USP32: variants seen among roughly 807,000 people sequenced by gnomAD.
The protein encoded by USP32 is ubiquitin carboxyl-terminal hydrolase 32.
A neutral mutation model predicts 204.8 loss-of-function variants in USP32; 59 were observed. That is an observed-to-expected ratio of 0.29 (90% CI 0.23 to 0.36). The LOEUF is 0.36. Among genes scored for constraint, USP32 ranks in the 10% least tolerant of loss-of-function variants. The probability of loss-of-function intolerance (pLI) is 1.00; values close to 1 mark genes in which losing one functional copy is unlikely to be tolerated. For missense variants in USP32, 1,160 were observed against 1,946.4 expected, an observed-to-expected ratio of 0.60 and a Z score of 7.60; for synonymous variants, 517 against 678.4, an observed-to-expected ratio of 0.76 and a Z score of 3.70.
chr17:60,269,701 A>G, intron 6 of USP32, 144 bp from the exon 7 acceptor site: 1 of 571,338 alleles, frequency 1.8e-6, no homozygotes, highest in Non-Finnish European at 2.9e-6. Context: ...ATGTTTCAGG[A>G]AGTACCTCTT....
chr17:60,393,182 A>G (rs1052041544), upstream of USP32, among the ~76,000 whole-genome samples: 2 of 152,048 alleles, frequency 1.3e-5, no homozygotes, highest in African/African-American at 2.4e-5. Context: ...CACTACTCTT[A>G]AGTATTTCCT....
chr17:60,189,287 C>T (rs766937352), intron 29 of USP32, among the ~76,000 whole-genome samples: 19 of 152,164 alleles, frequency 1.2e-4, no homozygotes, highest in Admixed American at 5.9e-4. Context: ...TTGGTGTGTG[C>T]GGCATATTTT....
intron 1 of USP32, among the ~76,000 whole-genome samples, chr17:60,377,262 C>T (rs4047746): frequency 3.9e-5 from 6 of 152,146 alleles, no homozygotes; most frequent in Middle Eastern, 3.4e-3. Flanking sequence ...GAGTTTGAGA[C>T]CAGCCTGGGC....
intron 4 of USP32, among the ~76,000 whole-genome samples, chr17:60,290,316 T>C (rs1031006454): frequency 3.3e-5 from 5 of 152,222 alleles, no homozygotes; most frequent in Non-Finnish European, 5.9e-5. Context: ...TTTGGACATA[T>C]TGAAGATCAC....
chr17:60,244,109 C>G (rs1159753091), intron 11 of USP32, among the ~76,000 whole-genome samples: 3 of 140,910 alleles, frequency 2.1e-5, no homozygotes, highest in Non-Finnish European at 4.5e-5. Flanking sequence ...GATCTCGGCT[C>G]ACTGCAAGCC....
intron 1 of USP32, among the ~76,000 whole-genome samples, chr17:60,386,529 T>A (rs2089734397): frequency 6.6e-6 from 1 of 152,180 alleles, no homozygotes; most frequent in African/African-American, 2.4e-5. Flanking sequence ...AAGCATGTAA[T>A]CCAGTGCCAA....
chr17:60,298,349 A>G (rs1351049614), intron 3 of USP32, among the ~76,000 whole-genome samples: 1 of 152,194 alleles, frequency 6.6e-6, no homozygotes, highest in Non-Finnish European at 1.5e-5. Context: ...AAAATGGCCA[A>G]CTTGCAGGCT....
At position 60,181,625 on chromosome 17, in the gene USP32, C is replaced by T. The variant is rs764947108; in HGVS notation, c.4247G>A (p.Ser1416Asn). The stretch of plus-strand genomic sequence containing the variant: ...TTTACTACTTGACAGTTTATTTTTG[C>T]TGCCAATCTGGGGCAGCCGGAGCCT... Reference protein sequence around the residue: ...KGRLRLPQIGSKNKLSSSKEN... With the variant: ...KGRLRLPQIGNKNKLSSSKEN... The change falls in exon 32 of 34, where the codon AGC becomes AAC. Residue 1416 changes from serine (S) to asparagine (N), a missense_variant. This residue lies in a region of USP32 where 244 missense variants were observed against 342.3 expected (regional missense o/e 0.71). Coordinates refer to ENST00000300896, the MANE Select transcript of USP32 (RefSeq NM_032582.4). The T allele has an allele frequency of 1.9e-5, 31 of 1,613,864 alleles. No individual in the cohort carries two copies. Among genetic ancestry groups the T allele is most frequent in the African/African-American group, 2.7e-5 (2 of 74,932 alleles).
At chr17:60,195,649 T>C (rs2084495264) in intron 27 of USP32, among the ~76,000 whole-genome samples, 1 of 152,208 alleles carries the variant, frequency 6.6e-6, no homozygotes, top group Non-Finnish European at 1.5e-5. Flanking sequence ...CAATCTCTTT[T>C]GATGCTTCTT....
chr17:60,351,434 AGG>A (rs937115757), intron 1 of USP32, among the ~76,000 whole-genome samples: 5 of 145,328 alleles, frequency 3.4e-5, no homozygotes, highest in African/African-American at 1.4e-4. Context: ...CTACTATGCC[AGG>A]CTTCTTTTTT....
chr17:60,339,400 T>G (rs1477672374), intron 2 of USP32, among the ~76,000 whole-genome samples: 1 of 151,396 alleles, frequency 6.6e-6, no homozygotes, highest in Non-Finnish European at 1.5e-5. Context: ...CTGGCCAACA[T>G]GGTAAAACCT....
At chr17:60,211,582 T>C in intron 19 of USP32, 68 bp from the exon 20 acceptor site, 2 of 1,520,144 alleles carry the variant, frequency 1.3e-6, no homozygotes, top group Admixed American at 2.4e-5. Context: ...CAGTTACTTA[T>C]ATTCAATGAA....
chr17:60,386,893 C>T (rs1486332735), intron 1 of USP32, among the ~76,000 whole-genome samples: 5 of 152,182 alleles, frequency 3.3e-5, no homozygotes, highest in Non-Finnish European at 5.9e-5. Flanking sequence ...TTAGTGAAAA[C>T]AGCACCTTTG....
chr17:60,380,098 T>C (rs575401736), intron 1 of USP32, among the ~76,000 whole-genome samples: 162 of 152,320 alleles, frequency 1.1e-3, no homozygotes, highest in South Asian at 7.9e-3. Context: ...AAGGTAAGAT[T>C]TAGGCAAAGT....
chr17:60,387,442 A>G (rs1250151227), intron 1 of USP32, among the ~76,000 whole-genome samples: 2 of 152,230 alleles, frequency 1.3e-5, no homozygotes, highest in African/African-American at 4.8e-5. Context: ...CAGCACTTCT[A>G]GGCCATCAGA....
Position 60,208,647 on chromosome 17 carries a change from G to C in USP32, c.2773+7C>G. ...GTCAAGTAATTTTTCAGAACTTTCT[G>C]ACCTACCTGTTATTTCTAAGTGCAT... On this transcript the variant is annotated splice_region_variant and intron_variant, in intron 23 of 33. Transcript: ENST00000300896. The C allele has an allele frequency of 1.3e-6, 2 of 1,481,736 alleles. No homozygotes were observed. The highest frequency in any genetic ancestry group is 4.8e-5 in the East Asian group (2 of 41,678). The allele number at this position is 1,481,736 out of a possible 1,614,324, so 91.8% of individuals were successfully genotyped here. A position where few individuals can be genotyped will look rare whatever the true frequency, so the allele number is the denominator to read the frequency against.
chr17:60,357,804 T>C (rs923044731), intron 1 of USP32, among the ~76,000 whole-genome samples: 1 of 152,106 alleles, frequency 6.6e-6, no homozygotes, highest in African/African-American at 2.4e-5. Flanking sequence ...GTTTCACTCT[T>C]GTTGCCCAGG....
chr17:60,343,550 TACTGGGTA>T (rs1306636684), intron 2 of USP32, among the ~76,000 whole-genome samples: 3 of 152,156 alleles, frequency 2.0e-5, no homozygotes, highest in African/African-American at 7.2e-5. Flanking sequence ...CCTGAATGAC[TACTGGGTA>T]AATAACGAAA....
chr17:60,189,756 G>T (rs779728704), intron 29 of USP32, among the ~76,000 whole-genome samples: 2 of 152,140 alleles, frequency 1.3e-5, no homozygotes, highest in Non-Finnish European at 2.9e-5. Context: ...TAACTTTTCT[G>T]ATCACTCTGC....
Sources: allele counts gnomAD v4.1 joint callset (sites outside exome capture counted in the v4.1 genomes callset), GRCh38; gene constraint gnomAD v4.1.1; regional missense constraint gnomAD v4.1.1; transcripts MANE v1.5; gene names NCBI Gene and HGNC (gene_info 2026-07-23, HGNC 2026-07-21).